Variants in MYO1D observed in about 807,000 individuals in gnomAD.
MYO1D encodes unconventional myosin-Id.
Under a neutral mutation model 122.0 loss-of-function variants are expected in MYO1D, and 83 were observed. That is an observed-to-expected ratio of 0.68 (90% confidence interval 0.57 to 0.82). The LOEUF is 0.82. MYO1D is among the 40% of genes least tolerant of loss of function. The probability of loss-of-function intolerance (pLI) is 0.00; values close to 1 mark genes in which losing one functional copy is unlikely to be tolerated. For missense variants in MYO1D, 1,157 were observed against 1,269.5 expected, an observed-to-expected ratio of 0.91 and a Z score of 1.35; for synonymous variants, 464 against 446.9, an observed-to-expected ratio of 1.04 and a Z score of -0.48.
chr17:32,751,268 T>C (rs1306058028), intron 11 of MYO1D, among the ~76,000 whole-genome samples: 1 of 152,182 alleles, frequency 6.6e-6, no homozygotes, highest in African/African-American at 2.4e-5. Context: ...CCAATAAGTC[T>C]AGCTAATCAG....
chr17:32,559,045 A>G (rs988651942), intron 21 of MYO1D, among the ~76,000 whole-genome samples: 1 of 152,220 alleles, frequency 6.6e-6, no homozygotes, highest in African/African-American at 2.4e-5. Flanking sequence ...AACTATTTTT[A>G]TTATCTGCAT....
intron 1 of MYO1D, among the ~76,000 whole-genome samples, chr17:32,800,338 T>A (rs1365855929): frequency 2.0e-5 from 3 of 152,160 alleles, no homozygotes; most frequent in Admixed American, 1.3e-4. Context: ...TATATATATA[T>A]AAAACAGAAT....
At chr17:32,762,958 G>A (rs868847741) in intron 8 of MYO1D, among the ~76,000 whole-genome samples, 2 of 151,816 alleles carry the variant, frequency 1.3e-5, no homozygotes, top group Middle Eastern at 6.8e-3. Flanking sequence ...AGGCCGAGGA[G>A]GGTGGATCAC....
rs1226139798 is a variant in MYO1D, at chr17:32,494,688, G to C, written c.*71C>G. 7.4e-6 allele frequency: 11 copies of C among 1,484,694 alleles called. No homozygotes were observed. The highest frequency in any genetic ancestry group is 9.9e-6 in the Non-Finnish European group (11 of 1,112,452). 92.0% of individuals were successfully genotyped at this position (1,484,694 alleles called of 1,614,324 possible). ...GCAGGTTTCTAGCGGGCATGGGTTG[G>C]GAGGCAGCAGCTGGACTGGGACCCA... On this transcript the variant is annotated 3_prime_UTR_variant, in exon 22 of 22. Coordinates refer to ENST00000318217, the MANE Select transcript of MYO1D (RefSeq NM_015194.3).
intron 21 of MYO1D, among the ~76,000 whole-genome samples, chr17:32,540,160 C>A (rs565991481): frequency 6.6e-6 from 1 of 151,626 alleles, no homozygotes; most frequent in Admixed American, 6.6e-5. Context: ...AATCTGCCAA[C>A]ATGATGAAAC....
intron 1 of MYO1D, among the ~76,000 whole-genome samples, chr17:32,787,120 C>T (rs959458412): frequency 1.3e-5 from 2 of 150,702 alleles, no homozygotes; most frequent in Non-Finnish European, 3.0e-5. Context: ...GCTAGAAGAG[C>T]TCAAGAAAAA....
intron 21 of MYO1D, among the ~76,000 whole-genome samples, chr17:32,514,667 A>G (rs1211151873): frequency 6.6e-6 from 1 of 152,216 alleles, no homozygotes; most frequent in Non-Finnish European, 1.5e-5. Flanking sequence ...TTGAATCACG[A>G]TGAGGGGCTG....
chr17:32,502,362 G>A (rs1909344517), intron 21 of MYO1D, among the ~76,000 whole-genome samples: 1 of 152,196 alleles, frequency 6.6e-6, no homozygotes, highest in African/African-American at 2.4e-5. Flanking sequence ...AAGAGGCAAA[G>A]CCACGGAGGC....
At chr17:32,747,014 G>A (rs927420498) in intron 12 of MYO1D, among the ~76,000 whole-genome samples, 4 of 152,104 alleles carry the variant, frequency 2.6e-5, no homozygotes, top group African/African-American at 9.7e-5. Flanking sequence ...GATTTTTAGT[G>A]GGAGATATTT....
At chr17:32,619,314 A>G (rs2087822985) in intron 20 of MYO1D, among the ~76,000 whole-genome samples, 1 of 152,192 alleles carries the variant, frequency 6.6e-6, no homozygotes, top group Non-Finnish European at 1.5e-5. Flanking sequence ...TGGGCTTGGG[A>G]ATGAGATAAT....
intron 13 of MYO1D, among the ~76,000 whole-genome samples, chr17:32,742,165 A>T (rs997144920): frequency 6.6e-6 from 1 of 152,184 alleles, no homozygotes; most frequent in Non-Finnish European, 1.5e-5. Context: ...TAGGTTTTGT[A>T]AGTAATCTAG....
intron 21 of MYO1D, among the ~76,000 whole-genome samples, chr17:32,578,162 T>C (rs947463989): frequency 6.6e-6 from 1 of 152,242 alleles, no homozygotes; most frequent in African/African-American, 2.4e-5. Context: ...TGAAACCTCA[T>C]ATACATAAAA....
chr17:32,826,168 C>A (rs1206236076), intron 1 of MYO1D, among the ~76,000 whole-genome samples: 2 of 151,918 alleles, frequency 1.3e-5, no homozygotes, highest in African/African-American at 2.4e-5. Flanking sequence ...TACATTCTCC[C>A]TTCCTCTCCA....
chr17:32,666,105 C>G (rs2088632219), intron 16 of MYO1D, among the ~76,000 whole-genome samples: 1 of 152,142 alleles, frequency 6.6e-6, no homozygotes, highest in Non-Finnish European at 1.5e-5. Flanking sequence ...TGAGGTAGTC[C>G]CTTAGCTTTG....
At chr17:32,825,511 T>C (rs975073730) in intron 1 of MYO1D, among the ~76,000 whole-genome samples, 5 of 152,180 alleles carry the variant, frequency 3.3e-5, no homozygotes, top group Admixed American at 1.3e-4. Context: ...CAGGCTGATC[T>C]CAAAATCTTG....
intron 21 of MYO1D, among the ~76,000 whole-genome samples, chr17:32,534,027 C>G (rs996951106): frequency 6.6e-5 from 10 of 152,188 alleles, no homozygotes; most frequent in African/African-American, 2.4e-4. Context: ...GACTTCATAG[C>G]TACTTAAATA....
At chr17:32,634,300 A>G (rs774823127) in intron 20 of MYO1D, among the ~76,000 whole-genome samples, 1 of 152,126 alleles carries the variant, frequency 6.6e-6, no homozygotes, top group African/African-American at 2.4e-5. Context: ...GCAAAAAGCA[A>G]CTCTCAAGAG....
chr17:32,674,309 T>C (rs1325664980), intron 16 of MYO1D, among the ~76,000 whole-genome samples: 1 of 152,254 alleles, frequency 6.6e-6, no homozygotes, highest in Non-Finnish European at 1.5e-5. Context: ...TAAGAGCATA[T>C]ACCAGCATTC....
In MYO1D at chr17:32,866,776, G is replaced by A. The variant is rs556830374; in HGVS notation, c.95+10002C>T. ...CTGGCTAGCAGCACAGCCAGCCCAC[G>A]CATGCTTAAAGTGAGTGGAGAGAGA... On this transcript the variant is annotated intron_variant, in intron 1 of 21. Transcript: ENST00000318217. Among the ~76,000 whole-genome samples, 14 of 152,284 alleles carry A rather than the reference G, an allele frequency of 9.2e-5. No homozygotes were observed. The South Asian group carries it at 1.2e-3, about 14-fold the overall frequency.
Sources: allele counts gnomAD v4.1 joint callset (sites outside exome capture counted in the v4.1 genomes callset), GRCh38; gene constraint gnomAD v4.1.1; transcripts MANE v1.5; gene names NCBI Gene and HGNC (gene_info 2026-07-23, HGNC 2026-07-21).